The following CLCF1 variants were observed in gnomAD, a reference collection of about 807,000 sequenced individuals.
The protein encoded by CLCF1 is cardiotrophin-like cytokine factor 1.
CLCF1 carries 10 observed loss-of-function variants against 21.2 expected under a neutral mutation model. That is an observed-to-expected ratio of 0.47 (90% CI 0.29 to 0.80). The LOEUF (loss-of-function observed/expected upper bound fraction) is 0.80, where lower values mean the gene tolerates loss of function less well. CLCF1 is among the 30% of genes least tolerant of loss of function. The pLI is 0.09. For missense variants in CLCF1, 240 were observed against 293.4 expected, an observed-to-expected ratio of 0.82 and a Z score of 1.33; for synonymous variants, 115 against 120.5, an observed-to-expected ratio of 0.95 and a Z score of 0.30.
intron 1 of CLCF1, chr11:67,369,727 T>C (rs951672100): frequency 3.0e-6 from 3 of 985,322 alleles, no homozygotes; most frequent in Non-Finnish European, 2.4e-6. Flanking sequence ...GGAGCTAGGC[T>C]TCCTTCTTTA....
At position 67,365,773 on chromosome 11, in the gene CLCF1, C is replaced by T; in HGVS notation, c.184-143G>A. ...CATGCTAGGCTTCTTTGTTCATGGC[C>T]TCCCTGAGTTTTTCCAATAAGGATA... On this transcript the variant is annotated intron_variant, in intron 2 of 2. Transcript: ENST00000312438. The surrounding 1 kb of genome is among the most constrained non-coding windows in gnomAD (Gnocchi z 5.0). 1 of 1,272,662 alleles carries T rather than the reference C, an allele frequency of 7.9e-7. No homozygotes were observed. The highest frequency in any genetic ancestry group is 1.6e-5 in the South Asian group (1 of 61,934). The allele number at this position is 1,272,662 out of a possible 1,614,324, so 78.8% of individuals were successfully genotyped here. A position where few individuals can be genotyped will look rare whatever the true frequency, so the allele number is the denominator to read the frequency against.
chr11:67,369,339 C>T (rs1457672770), intron 1 of CLCF1: 9 of 981,632 alleles, frequency 9.2e-6, no homozygotes, highest in East Asian at 1.1e-4. Flanking sequence ...TGTGTGTACA[C>T]GCGTGTGTTT....
Position 67,373,567 on chromosome 11 carries a change from G to T in CLCF1, c.-28C>A. 1 of 1,367,574 alleles carries T rather than the reference G, an allele frequency of 7.3e-7. No individual in the cohort carries two copies. Among genetic ancestry groups the T allele is most frequent in the Non-Finnish European group, 9.4e-7 (1 of 1,059,838 alleles). 84.7% of individuals were successfully genotyped at this position (1,367,574 alleles called of 1,614,324 possible). On this transcript the variant is annotated 5_prime_UTR_variant, in exon 1 of 3. Transcript: ENST00000312438. ...GGCTGGGGCCGGGCCGGCCGGGTGC[G>T]GCTCCTCTCCCGGAGGCTGGCGGAG...
chr11:67,373,890 C>T (rs1448381286), upstream of CLCF1, among the ~76,000 whole-genome samples: 9 of 133,288 alleles, frequency 6.8e-5, no homozygotes, highest in African/African-American at 2.6e-4. Context: ...CCTGGGCCTC[C>T]TGGGGGAGGG....
intron 1 of CLCF1, among the ~76,000 whole-genome samples, chr11:67,371,750 G>A (rs564975335): frequency 6.6e-6 from 1 of 152,112 alleles, no homozygotes; most frequent in Non-Finnish European, 1.5e-5. Context: ...AGGGGCGTGG[G>A]GGGGGAGGAG....
chr11:67,371,360 G>A (rs1379072272), intron 1 of CLCF1, among the ~76,000 whole-genome samples: 2 of 152,166 alleles, frequency 1.3e-5, no homozygotes, highest in Non-Finnish European at 2.9e-5. Flanking sequence ...TGCACAAGGA[G>A]GTCACATTAT....
chr11:67,367,948 A>G, intron 1 of CLCF1: 1 of 984,730 alleles, frequency 1.0e-6, no homozygotes, highest in South Asian at 4.7e-5. Context: ...ATGTGTGTAC[A>G]TGGAGGGACG....
chr11:67,373,838 A>G, upstream of CLCF1: 2 of 809,920 alleles, frequency 2.5e-6, no homozygotes, highest in Non-Finnish European at 3.0e-6. Context: ...CTCCCACAGC[A>G]CCGAGGGGGG....
chr11:67,366,129 G>A (rs72932730), intron 2 of CLCF1, among the ~76,000 whole-genome samples: 17,409 of 152,268 alleles, frequency 0.11, 1,346 homozygotes, highest in Non-Finnish European at 0.18. Context: ...GCAAGGAGGT[G>A]CCTGACGACC....
chr11:67,372,597 C>A lies in CLCF1; in HGVS notation c.16+927G>T, dbSNP rs2134902074. On this transcript the variant is annotated intron_variant, in intron 1 of 2. Coordinates refer to ENST00000312438, the MANE Select transcript of CLCF1 (RefSeq NM_013246.3). The surrounding 1 kb of genome is among the most constrained non-coding windows in gnomAD (Gnocchi z 5.9). ...CCGGCCCCGCCCCCTCCCGCTCCCGCCCGGTCGCTCCTTCCCCGCGGCGGG... is the reference window on the plus strand; with the variant it reads ...CCGGCCCCGCCCCCTCCCGCTCCCGACCGGTCGCTCCTTCCCCGCGGCGGG... 6.7e-6 allele frequency among the ~76,000 whole-genome samples: 1 copy of A among 149,038 alleles called. No individual in the cohort carries two copies. Among genetic ancestry groups the A allele is most frequent in the Admixed American group, 6.6e-5 (1 of 15,164 alleles).
rs565110108 is a variant in CLCF1, at chr11:67,366,975, T to A, written c.183+485A>T. On this transcript the variant is annotated intron_variant, in intron 2 of 2. Coordinates refer to ENST00000312438, the MANE Select transcript of CLCF1 (RefSeq NM_013246.3). The stretch of plus-strand genomic sequence containing the variant: ...ACTGCCTGGGTTCCCTACAGTCCCC[T>A]TCCCCCATGACCCCCCTAGGAGGCC... Among the ~76,000 whole-genome samples, 311 of 152,054 alleles carry A rather than the reference T, an allele frequency of 2.0e-3. 2 individuals carry two copies. Among genetic ancestry groups the A allele is most frequent in the African/African-American group, 7.2e-3 (300 of 41,500 alleles).
At chr11:67,367,752 G>C (rs1862145518) in intron 1 of CLCF1, 126 bp from the exon 2 acceptor site, 1 of 1,518,908 alleles carries the variant, frequency 6.6e-7, no homozygotes, top group African/African-American at 1.4e-5. Context: ...CACCAGATGG[G>C]AGGCAGAGGG....
chr11:67,373,367 C>A (rs923324515), intron 1 of CLCF1, among the ~76,000 whole-genome samples, 157 bp downstream of exon 1: 2 of 152,050 alleles, frequency 1.3e-5, no homozygotes, highest in Non-Finnish European at 2.9e-5. Flanking sequence ...CCCGCCCGGC[C>A]CCTCTCGAGG....
At chr11:67,370,864 G>A (rs1293800763) in intron 1 of CLCF1, 22 of 985,264 alleles carry the variant, frequency 2.2e-5, no homozygotes, top group Non-Finnish European at 2.7e-5. Flanking sequence ...GACTATAAGA[G>A]CTACGCTAAG....
At chr11:67,370,378 C>T (rs1294122371) in intron 1 of CLCF1, 1 of 984,738 alleles carries the variant, frequency 1.0e-6, no homozygotes, top group Non-Finnish European at 1.2e-6. Flanking sequence ...CTAGGTCCCC[C>T]TCTCCCCCTC....
At chr11:67,373,480 G>A (rs1372061554) in intron 1 of CLCF1, 44 bp downstream of exon 1, 1 of 1,076,458 alleles carries the variant, frequency 9.3e-7, no homozygotes, top group Non-Finnish European at 1.3e-6. Context: ...TCTCGTGGCT[G>A]CTTGGCGGGG....
chr11:67,371,915 C>T (rs1319006796), intron 1 of CLCF1, among the ~76,000 whole-genome samples: 1 of 152,014 alleles, frequency 6.6e-6, no homozygotes, highest in Non-Finnish European at 1.5e-5. Context: ...GGACAGGGAG[C>T]CATTGCACCC....
chr11:67,371,762 G>T (rs934822032), intron 1 of CLCF1, among the ~76,000 whole-genome samples: 2 of 151,988 alleles, frequency 1.3e-5, no homozygotes, highest in Non-Finnish European at 2.9e-5. Flanking sequence ...GGGGAGGAGA[G>T]TGCAGGAGCC....
chr11:67,368,603 TA>T, intron 1 of CLCF1: 1 of 985,362 alleles, frequency 1.0e-6, no homozygotes, highest in South Asian at 4.7e-5. Context: ...CAAAGGCAGT[TA>T]GGGTTTGGCT....
Sources: gnomAD v4.1 joint callset for allele counts (sites outside exome capture counted in the v4.1 genomes callset) on GRCh38, gnomAD v4.1.1 for gene constraint, Gnocchi (gnomAD v3.1) non-coding constraint, MANE v1.5 for transcripts, NCBI Gene and HGNC (gene_info 2026-07-23, HGNC 2026-07-21) for gene names.